The following ATP8B1 variants were observed in gnomAD, a reference collection of about 807,000 sequenced individuals.
ATP8B1 encodes ATPase phospholipid transporting 8B1, also known as phospholipid-transporting ATPase IC.
In ATP8B1, 80 loss-of-function variants were observed where a neutral mutation model predicts 149.9. The ratio of observed to expected loss-of-function variants is 0.53; its 90% CI spans 0.45 to 0.64. The LOEUF is 0.64. Ranked by LOEUF, ATP8B1 falls within the 30% of genes least tolerant of loss-of-function variation. The pLI, the probability that ATP8B1 is intolerant of heterozygous loss-of-function variation, is 0.00. For missense variants in ATP8B1, 1,247 were observed against 1,552.6 expected (o/e 0.80, Z 3.31); for synonymous variants, 536 against 562.8 (o/e 0.95, Z 0.67).
In ATP8B1 at chr18:57,669,325, T is replaced by C; in HGVS notation, c.2090A>G (p.Asp697Gly). The C allele has an allele frequency of 6.2e-7, 1 of 1,600,420 alleles. No homozygotes were observed. ...ATTAAGGCTAAAACTCACAATTAAG[T>C]CTTTTTCAATCTCCTCATATACTTT... ...LDKVYEEIEK[D>G]LILLGATAIE... The change falls in exon 18 of 28, where the codon GAC becomes GGC. Residue 697 changes from aspartate to glycine, a missense_variant. Coordinates refer to ENST00000648908, the MANE Select transcript of ATP8B1 (RefSeq NM_001374385.1).
At position 57,646,926 on chromosome 18, in the gene ATP8B1, C is replaced by T. The variant is rs1909213584; in HGVS notation, c.*1562G>A. 1 of 152,352 alleles carries T rather than the reference C, an allele frequency of 6.6e-6. No homozygotes were observed. The highest frequency in any genetic ancestry group is 2.4e-5 in the African/African-American group (1 of 41,456). 9.4% of individuals were successfully genotyped at this position (152,352 alleles called of 1,614,324 possible). On this transcript the variant is annotated 3_prime_UTR_variant, in exon 28 of 28. Transcript: ENST00000648908. ...GAAAGACACAGAATGAGAAAAATGTCTGGAAAAAAATTACTTTCTCCTCTT... is the reference window on the plus strand; with the variant it reads ...GAAAGACACAGAATGAGAAAAATGTTTGGAAAAAAATTACTTTCTCCTCTT...
Position 57,648,156 on chromosome 18 carries a change from T to G in ATP8B1, c.*332A>C. ...TGCCCACCACCAAGCCCGGCTAATT[T>G]TTAATTTATGGTAGAGACAGGGTTT... On this transcript the variant is annotated 3_prime_UTR_variant, in exon 28 of 28. Transcript: ENST00000648908. The G allele has an allele frequency of 2.4e-6, 1 of 412,904 alleles. No individual in the cohort carries two copies. 25.6% of individuals were successfully genotyped at this position (412,904 alleles called of 1,614,324 possible). A position where few individuals can be genotyped will look rare whatever the true frequency, so the allele number is the denominator to read the frequency against.
In ATP8B1 at chr18:57,764,482, G is replaced by C. The variant is rs529497556; in HGVS notation, c.-25-32650C>G. ...AGCCCAGGCTGGAGTGCAGTGGTGT[G>C]ATCTCGGCTCACTGCAACCTCTGCC... On this transcript the variant is annotated intron_variant, in intron 1 of 27. Coordinates refer to ENST00000648908, the MANE Select transcript of ATP8B1 (RefSeq NM_001374385.1). Among the ~76,000 whole-genome samples, 11 of 149,490 alleles carry C rather than the reference G, an allele frequency of 7.4e-5. No individual in the cohort carries two copies. The South Asian group carries it at 2.3e-3, about 32-fold the overall frequency.
chr18:57,732,139 A>ATG (rs1568043938), intron 1 of ATP8B1: 3 of 84,140 alleles, frequency 3.6e-5, no homozygotes, highest in African/African-American at 1.4e-4. Context: ...GTATATGTAT[A>ATG]TATGTGTATA....
intron 1 of ATP8B1, among the ~76,000 whole-genome samples, chr18:57,788,470 G>A (rs554553950): frequency 2.6e-5 from 4 of 151,548 alleles, no homozygotes; most frequent in African/African-American, 7.3e-5. Flanking sequence ...CATGAGAATC[G>A]CTTGAACCCA....
At chr18:57,703,853 T>TA (rs527464239) in intron 4 of ATP8B1, among the ~76,000 whole-genome samples, 177 of 152,282 alleles carry the variant, frequency 1.2e-3, no homozygotes, top group African/African-American at 4.0e-3. Context: ...AAAATTTTAA[T>TA]AAAAAATCAA....
intron 2 of ATP8B1, among the ~76,000 whole-genome samples, chr18:57,728,956 G>A (rs1460967062): frequency 3.9e-5 from 6 of 151,988 alleles, no homozygotes; most frequent in Non-Finnish European, 8.8e-5. Context: ...CTGACCTCAG[G>A]CGATTCAACT....
chr18:57,711,444 A>G (rs1177985094), intron 2 of ATP8B1, among the ~76,000 whole-genome samples: 3 of 152,246 alleles, frequency 2.0e-5, no homozygotes, highest in Admixed American at 6.5e-5. Flanking sequence ...CATACACAAT[A>G]TGAATGCATA....
intron 2 of ATP8B1, among the ~76,000 whole-genome samples, chr18:57,713,584 G>A (rs879651173): frequency 2.6e-4 from 40 of 151,520 alleles, no homozygotes; most frequent in Admixed American, 5.3e-4. Flanking sequence ...TCCACCTACC[G>A]GGTTCAAGCA....
chr18:57,792,201 C>T (rs1215568810), intron 1 of ATP8B1, among the ~76,000 whole-genome samples: 1 of 151,976 alleles, frequency 6.6e-6, no homozygotes, highest in Non-Finnish European at 1.5e-5. Flanking sequence ...ATGGCCTGTG[C>T]TTTTTTTGAA....
chr18:57,717,625 A>C (rs1269334718), intron 2 of ATP8B1, among the ~76,000 whole-genome samples: 1 of 150,394 alleles, frequency 6.6e-6, no homozygotes, highest in Admixed American at 6.6e-5. Context: ...ACCCAAAGTT[A>C]CTAGAAGAAA....
At chr18:57,780,872 T>C (rs1257788229) in intron 1 of ATP8B1, among the ~76,000 whole-genome samples, 2 of 152,230 alleles carry the variant, frequency 1.3e-5, no homozygotes, top group Non-Finnish European at 2.9e-5. Flanking sequence ...AAATGATTTC[T>C]AAATGGTCAA....
chr18:57,745,161 C>A (rs1228681110), intron 1 of ATP8B1, among the ~76,000 whole-genome samples: 2 of 152,204 alleles, frequency 1.3e-5, no homozygotes, highest in African/African-American at 2.4e-5. Context: ...ATATGTATTA[C>A]TGATGGCCAC....
At chr18:57,793,616 C>G (rs2080484020) in intron 1 of ATP8B1, among the ~76,000 whole-genome samples, 1 of 152,086 alleles carries the variant, frequency 6.6e-6, no homozygotes, top group Non-Finnish European at 1.5e-5. Context: ...CTTCCCTCCC[C>G]CACTTACTCT....
chr18:57,750,889 C>G (rs1272380552), intron 1 of ATP8B1, among the ~76,000 whole-genome samples: 1 of 151,948 alleles, frequency 6.6e-6, no homozygotes, highest in African/African-American at 2.4e-5. Flanking sequence ...GAGGCCAAGG[C>G]GGGTGGATCG....
At chr18:57,687,957 A>G (rs2122846598) in intron 13 of ATP8B1, among the ~76,000 whole-genome samples, 1 of 151,890 alleles carries the variant, frequency 6.6e-6, no homozygotes. Context: ...TAATTTTTGT[A>G]TTATTAGTAG....
intron 13 of ATP8B1, among the ~76,000 whole-genome samples, chr18:57,686,315 A>T (rs1912242114): frequency 6.6e-6 from 1 of 152,062 alleles, no homozygotes; most frequent in Non-Finnish European, 1.5e-5. Context: ...ACACATAATA[A>T]AATTTACCAT....
chr18:57,735,357 C>A, intron 1 of ATP8B1: 1 of 153,882 alleles, frequency 6.5e-6, no homozygotes, highest in South Asian at 2.0e-4. Context: ...TGCCTGGTTT[C>A]GTCCTAATCA....
intron 1 of ATP8B1, chr18:57,732,129 G>GTATATATGTGTA (rs368854552): frequency 2.4e-5 from 1 of 41,446 alleles, no homozygotes; most frequent in African/African-American, 7.8e-5. Flanking sequence ...ATATATATGT[G>GTATATATGTGTA]TATATGTATA....
Sources: allele counts gnomAD v4.1 joint callset (sites outside exome capture counted in the v4.1 genomes callset), GRCh38; gene constraint gnomAD v4.1.1; transcripts MANE v1.5; gene names NCBI Gene and HGNC (gene_info 2026-07-23, HGNC 2026-07-21).